Variants in TENM4 observed in about 807,000 individuals in gnomAD.
TENM4 encodes the protein teneurin-4.
Under a neutral mutation model 243.3 loss-of-function variants are expected in TENM4, and 82 were observed. The ratio of observed to expected loss-of-function variants is 0.34; its 90% CI spans 0.28 to 0.40. The LOEUF is 0.40. TENM4 is among the 10% of genes least tolerant of loss of function. TENM4 has a pLI of 1.00. For missense variants in TENM4, 3,138 were observed against 3,673.3 expected, an observed-to-expected ratio of 0.85 and a Z score of 3.77; for synonymous variants, 1,412 against 1,456.3, an observed-to-expected ratio of 0.97 and a Z score of 0.69.
intron 4 of TENM4, among the ~76,000 whole-genome samples, chr11:79,101,530 G>A (rs1338777360): frequency 6.6e-6 from 1 of 152,220 alleles, no homozygotes; most frequent in Non-Finnish European, 1.5e-5. Context: ...ATTGATAGAA[G>A]CAGAATTAAG....
chr11:79,368,458 T>A (rs1009843976), intron 1 of TENM4, among the ~76,000 whole-genome samples: 1 of 152,198 alleles, frequency 6.6e-6, no homozygotes, highest in Non-Finnish European at 1.5e-5. Context: ...ATTCCATACA[T>A]GCTCACCTGT....
At chr11:79,158,284 T>C (rs1862664748) in intron 3 of TENM4, among the ~76,000 whole-genome samples, 1 of 152,198 alleles carries the variant, frequency 6.6e-6, no homozygotes. Flanking sequence ...AAATTTCCTT[T>C]AGGAAGAAAG....
At chr11:78,806,813 T>G (rs996995891) in intron 14 of TENM4, among the ~76,000 whole-genome samples, 3 of 152,218 alleles carry the variant, frequency 2.0e-5, no homozygotes, top group African/African-American at 7.2e-5. Flanking sequence ...TCTTTTTATC[T>G]TGCAAAACTG....
chr11:78,707,480 C>T (rs1859286347), intron 27 of TENM4, among the ~76,000 whole-genome samples: 1 of 152,266 alleles, frequency 6.6e-6, no homozygotes, highest in Admixed American at 6.5e-5. Context: ...CCTTCCTGGA[C>T]CCAAACCATG....
At chr11:79,114,653 G>A (rs955887454) in intron 4 of TENM4, among the ~76,000 whole-genome samples, 1 of 152,206 alleles carries the variant, frequency 6.6e-6, no homozygotes, top group South Asian at 2.1e-4. Context: ...TGCCATGACT[G>A]TCTTGAAATT....
At chr11:79,317,415 C>G (rs75971946) in intron 1 of TENM4, among the ~76,000 whole-genome samples, 1,947 of 152,214 alleles carry the variant, frequency 0.013, 47 homozygotes, top group African/African-American at 0.045. Context: ...CGCAGACAGG[C>G]TATCTAATTT....
At chr11:78,702,517 T>A in intron 27 of TENM4, 114 bp from the exon 28 acceptor site, 6 of 1,231,598 alleles carry the variant, frequency 4.9e-6, no homozygotes, top group Non-Finnish European at 6.8e-6. Context: ...ACAGTCTTGC[T>A]TGATCCTCAT....
chr11:79,425,348 C>T (rs1036042345), intron 1 of TENM4, among the ~76,000 whole-genome samples: 6 of 152,158 alleles, frequency 3.9e-5, no homozygotes, highest in Admixed American at 3.9e-4. Context: ...GAGCTCACTC[C>T]CTCCACAAGC....
intron 17 of TENM4, among the ~76,000 whole-genome samples, chr11:78,776,654 C>T (rs1464750019): frequency 2.0e-5 from 3 of 152,168 alleles, no homozygotes; most frequent in African/African-American, 7.2e-5. Flanking sequence ...ACCAAAATAT[C>T]AGCCAGATGA....
intron 1 of TENM4, among the ~76,000 whole-genome samples, chr11:79,434,491 C>T (rs1161960966): frequency 6.6e-6 from 1 of 152,132 alleles, no homozygotes; most frequent in Non-Finnish European, 1.5e-5. Flanking sequence ...GCCAGCCCCA[C>T]CTACAACGCT....
chr11:79,047,151 C>T (rs1418041619), intron 6 of TENM4, among the ~76,000 whole-genome samples: 2 of 152,108 alleles, frequency 1.3e-5, no homozygotes, highest in Non-Finnish European at 2.9e-5. Flanking sequence ...TACTTTGCGC[C>T]AACCTAATGT....
intron 5 of TENM4, among the ~76,000 whole-genome samples, chr11:79,066,739 C>G (rs1860268299): frequency 6.8e-6 from 1 of 147,356 alleles, no homozygotes; most frequent in African/African-American, 2.6e-5. Context: ...CGCGCACGCA[C>G]ATGCACACAC....
intron 1 of TENM4, among the ~76,000 whole-genome samples, chr11:79,435,874 T>C (rs966153970): frequency 6.6e-6 from 1 of 152,212 alleles, no homozygotes; most frequent in African/African-American, 2.4e-5. Context: ...TCGGGTTATG[T>C]AACATGTCAA....
intron 1 of TENM4, among the ~76,000 whole-genome samples, chr11:79,343,222 T>C (rs117482713): frequency 1.8e-3 from 271 of 152,382 alleles, no homozygotes; most frequent in Non-Finnish European, 3.2e-3. Context: ...GTGCCCAGCA[T>C]GGGAGCAGGT....
chr11:78,684,803 A>G (rs1479297994), intron 29 of TENM4, among the ~76,000 whole-genome samples: 1 of 152,270 alleles, frequency 6.6e-6, no homozygotes, highest in Non-Finnish European at 1.5e-5. Context: ...CTTATGAGGT[A>G]CTGCTTAATG....
At chr11:78,960,770 T>A (rs1260244288) in intron 6 of TENM4, among the ~76,000 whole-genome samples, 2 of 152,224 alleles carry the variant, frequency 1.3e-5, no homozygotes, top group African/African-American at 4.8e-5. Flanking sequence ...CACCTTCGGC[T>A]ATAATGATGT....
intron 6 of TENM4, among the ~76,000 whole-genome samples, chr11:78,960,531 G>T (rs781313542): frequency 6.6e-6 from 1 of 152,072 alleles, no homozygotes; most frequent in Non-Finnish European, 1.5e-5. Flanking sequence ...TACAGCCCAG[G>T]CTCTCAGGTT....
chr11:78,840,776 C>G (rs1258144978), intron 12 of TENM4, among the ~76,000 whole-genome samples: 1 of 152,148 alleles, frequency 6.6e-6, no homozygotes, highest in Non-Finnish European at 1.5e-5. Context: ...GAACTGGGTA[C>G]TGACTTGGGA....
At chr11:78,790,920 GCT>G (rs1012471991) in intron 15 of TENM4, among the ~76,000 whole-genome samples, 4 of 152,168 alleles carry the variant, frequency 2.6e-5, no homozygotes, top group Admixed American at 2.0e-4. Flanking sequence ...GGAGACTACT[GCT>G]CTGTCCATCC....
Sources: gnomAD v4.1 joint callset for allele counts (sites outside exome capture counted in the v4.1 genomes callset) on GRCh38, gnomAD v4.1.1 for gene constraint, MANE v1.5 for transcripts, NCBI Gene and HGNC (gene_info 2026-07-23, HGNC 2026-07-21) for gene names.